The following LAMA1 variants were observed in gnomAD, a reference collection of about 807,000 sequenced individuals.
The protein encoded by LAMA1 is laminin subunit alpha-1.
In LAMA1, 219 loss-of-function variants were observed where a neutral mutation model predicts 348.7. The observed-to-expected ratio is 0.63, with a 90% CI of 0.56 to 0.70. LAMA1 has a LOEUF of 0.70. Ranked by LOEUF, LAMA1 falls within the 30% of genes least tolerant of loss-of-function variation. LAMA1 has a pLI of 0.00. For missense variants in LAMA1, 3,744 were observed against 3,888.0 expected (o/e 0.96, Z 0.99); for synonymous variants, 1,487 against 1,491.0 (o/e 1.00, Z 0.06).
intron 51 of LAMA1, among the ~76,000 whole-genome samples, chr18:6,964,369 T>C (rs906470062): frequency 2.0e-5 from 3 of 152,272 alleles, no homozygotes; most frequent in African/African-American, 7.2e-5. Context: ...GGGGAAGTCC[T>C]TATGCAACAT....
Position 7,012,100 on chromosome 18 carries a change from C to A in LAMA1, c.3402G>T (p.Glu1134Asp), listed in dbSNP as rs113553100. ...TGTCTGCGCGGAGAGCGAAGGTGCCCTCTCGACATTCGTTGCACTGAGGAC... is the reference window on the plus strand; with the variant it reads ...TGTCTGCGCGGAGAGCGAAGGTGCCATCTCGACATTCGTTGCACTGAGGAC... ...VFGPQCNECR[E>D]GTFALRADNP... The change falls in exon 24 of 63, where the codon GAG (glutamate) becomes GAT (aspartate). Residue 1134 changes from glutamate (E) to aspartate (D), a missense_variant. Coordinates refer to ENST00000389658, the MANE Select transcript of LAMA1 (RefSeq NM_005559.4). 4,935 of 1,613,830 alleles carry A rather than the reference C, an allele frequency of 3.1e-3. 138 individuals are homozygous for A. In the African/African-American group the frequency reaches 0.056, roughly 18 times the overall value.
chr18:7,080,810 G>C (rs62083498), intron 1 of LAMA1, among the ~76,000 whole-genome samples: 20,415 of 151,658 alleles, frequency 0.13, 1,849 homozygotes, highest in Non-Finnish European at 0.2. Context: ...GTAAGATTTG[G>C]GTAGATCCGT....
Position 6,959,459 on chromosome 18 carries a change from T to A in LAMA1, c.7660A>T (p.Ile2554Phe). 6.2e-7 allele frequency: 1 copy of A among 1,614,206 alleles called. No individual in the cohort carries two copies. Among genetic ancestry groups the A allele is most frequent in the Non-Finnish European group, 8.5e-7 (1 of 1,180,048 alleles). Residue 2554 changes from isoleucine (I) to phenylalanine (F), a missense_variant, in exon 54 of 63, where the codon ATT becomes TTT. Around this residue, in one of 3 missense-constraint regions of LAMA1, gnomAD observed 1,983 missense variants for 1,934.3 expected, o/e 1.03. Transcript: ENST00000389658. ...TCCCCAGGATTGACATGTACCTCAA[T>A]GTTGCCTCCGATCAGCATGACGGAA... ...FFSVMLIGGN[I>F]EVHVNPGDGT...
At chr18:7,044,655 G>T in intron 7 of LAMA1, 67 bp downstream of exon 7, 1 of 1,219,376 alleles carries the variant, frequency 8.2e-7, no homozygotes, top group Non-Finnish European at 1.2e-6. Context: ...AAGTTGTTAA[G>T]ACACCATAAA....
chr18:7,095,675 C>T (rs998535585), intron 1 of LAMA1, among the ~76,000 whole-genome samples: 15 of 152,358 alleles, frequency 9.8e-5, no homozygotes, highest in Admixed American at 4.6e-4. Flanking sequence ...GCAATTCCCA[C>T]GGAATTCTCC....
intron 30 of LAMA1, 73 bp downstream of exon 30, chr18:7,002,191 C>A: frequency 6.3e-7 from 1 of 1,584,712 alleles, no homozygotes; most frequent in South Asian, 1.1e-5. Flanking sequence ...CACTCAGAGA[C>A]CCTTGAAAAT....
At chr18:7,013,563 T>C (rs972751798) in intron 23 of LAMA1, among the ~76,000 whole-genome samples, 6 of 152,134 alleles carry the variant, frequency 3.9e-5, no homozygotes, top group African/African-American at 1.4e-4. Flanking sequence ...GCCTCTGGGA[T>C]ATATGATTAA....
At chr18:7,109,898 G>A (rs1046464911) in intron 1 of LAMA1, among the ~76,000 whole-genome samples, 4 of 152,242 alleles carry the variant, frequency 2.6e-5, no homozygotes, top group African/African-American at 4.8e-5. Flanking sequence ...AAAAGCAGCC[G>A]GCTGGCCGGG....
At chr18:6,976,578 C>T (rs190031097) in intron 44 of LAMA1, among the ~76,000 whole-genome samples, 2 of 151,208 alleles carry the variant, frequency 1.3e-5, no homozygotes, top group African/African-American at 4.8e-5. Context: ...AAGAAGCATT[C>T]CTTGGGCTTA....
chr18:7,000,063 A>T, intron 30 of LAMA1, 66 bp from the exon 31 acceptor site: 1 of 1,166,086 alleles, frequency 8.6e-7, no homozygotes, highest in African/African-American at 1.5e-5. Context: ...TAAGGTACTT[A>T]TTCATTACTC....
Position 7,010,254 on chromosome 18 carries a change from ATCCATGTAAAT to A in LAMA1, c.3808_3818del (p.Ile1270CysfsTer25). 1 of 1,614,188 alleles carries A rather than the reference ATCCATGTAAAT, an allele frequency of 6.2e-7. No individual in the cohort carries two copies. ...TCACTCCATTCTCTGGGGCTGGTGC[ATCCATGTAAAT>A]GACTTGCTTTCTGATCCGACCACCT... On this transcript the variant is annotated frameshift_variant, in exon 26 of 63. Coordinates refer to ENST00000389658, the MANE Select transcript of LAMA1 (RefSeq NM_005559.4). LOFTEE classifies it high-confidence loss of function.
At chr18:7,073,427 G>C (rs1232492690) in intron 3 of LAMA1, among the ~76,000 whole-genome samples, 1 of 152,028 alleles carries the variant, frequency 6.6e-6, no homozygotes, top group Non-Finnish European at 1.5e-5. Flanking sequence ...TCTCCTCCCA[G>C]CTCCTGGCAA....
chr18:6,947,901 G>A (rs534076333), intron 60 of LAMA1, among the ~76,000 whole-genome samples: 1 of 152,272 alleles, frequency 6.6e-6, no homozygotes, highest in East Asian at 1.9e-4. Context: ...GGGGGTGCAA[G>A]GGGAGCTGAG....
chr18:7,099,000 A>C (rs2058278928), intron 1 of LAMA1, among the ~76,000 whole-genome samples: 3 of 152,184 alleles, frequency 2.0e-5, no homozygotes, highest in African/African-American at 7.2e-5. Flanking sequence ...GGCCATGATG[A>C]CAATGGTGGT....
intron 22 of LAMA1, among the ~76,000 whole-genome samples, chr18:7,014,334 A>T (rs1282523941): frequency 6.6e-6 from 1 of 152,196 alleles, no homozygotes; most frequent in African/African-American, 2.4e-5. Flanking sequence ...TTACTGTAGA[A>T]ATCAGGCCAG....
intron 3 of LAMA1, among the ~76,000 whole-genome samples, chr18:7,065,821 G>C (rs1049938083): frequency 7.9e-5 from 12 of 152,184 alleles, no homozygotes; most frequent in Non-Finnish European, 1.6e-4. Flanking sequence ...GTACAGCTAT[G>C]CCATCCAGCT....
At chr18:7,023,085 G>T in intron 19 of LAMA1, 79 bp downstream of exon 19, 1 of 1,473,476 alleles carries the variant, frequency 6.8e-7, no homozygotes. Context: ...GCGGGGCCCT[G>T]TGTGACACAT....
At position 6,992,577 on chromosome 18, in the gene LAMA1, C is replaced by T. The variant is rs1217363208; in HGVS notation, c.5152G>A (p.Ala1718Thr). 6.2e-6 allele frequency: 10 copies of T among 1,614,036 alleles called. No individual in the cohort carries two copies. Among genetic ancestry groups the T allele is most frequent in the Non-Finnish European group, 8.5e-6 (10 of 1,180,016 alleles). Residue 1718 changes from alanine (A) to threonine (T), a missense_variant, in exon 36 of 63, where the codon GCC (alanine) becomes ACC (threonine). Physicochemically the swap from Ala to Thr is moderately conservative, Grantham distance 58 (BLOSUM62 0). Coordinates refer to ENST00000389658, the MANE Select transcript of LAMA1 (RefSeq NM_005559.4). Reference protein sequence around the residue: ...IRDFTQLHQNATLELKAAEDL... With the variant: ...IRDFTQLHQNTTLELKAAEDL... ...GAAACTTACTTGAGTTCAAGGGTGG[C>T]ATTTTGGTGCAACTGTGTGAAGTCT...
intron 1 of LAMA1, among the ~76,000 whole-genome samples, chr18:7,082,952 G>A (rs990561354): frequency 3.5e-5 from 5 of 142,468 alleles, no homozygotes; most frequent in Non-Finnish European, 5.9e-5. Context: ...CTCCCAATCT[G>A]AGTAACTGCA....
Sources: gnomAD v4.1 joint callset for allele counts (sites outside exome capture counted in the v4.1 genomes callset) on GRCh38, gnomAD v4.1.1 for gene constraint, gnomAD v4.1.1 regional missense constraint, MANE v1.5 for transcripts, NCBI Gene and HGNC (gene_info 2026-07-23, HGNC 2026-07-21) for gene names.